Variants in MAGI2 observed in about 807,000 individuals in gnomAD.
MAGI2 encodes membrane associated guanylate kinase, WW and PDZ domain containing 2.
A neutral mutation model predicts 133.3 loss-of-function variants in MAGI2; 35 were observed. The observed-to-expected ratio is 0.26, with a 90% CI of 0.20 to 0.35. The LOEUF (loss-of-function observed/expected upper bound fraction) is 0.35, where lower values mean the gene tolerates loss of function less well. Ranked by LOEUF, MAGI2 falls within the 10% of genes least tolerant of loss-of-function variation. The pLI is 1.00. For synonymous variants in MAGI2, 729 were observed against 710.6 expected (o/e 1.03, Z -0.41); for missense variants, 1,636 against 1,863.4 (o/e 0.88, Z 2.25).
chr7:78,621,868 G>C (rs1445168009), intron 3 of MAGI2, among the ~76,000 whole-genome samples: 1 of 151,954 alleles, frequency 6.6e-6, no homozygotes, highest in Non-Finnish European at 1.5e-5. Context: ...ATGAGAATTA[G>C]CAATAATAAA....
At chr7:79,334,667 C>T (rs1840310328) in intron 1 of MAGI2, among the ~76,000 whole-genome samples, 1 of 152,132 alleles carries the variant, frequency 6.6e-6, no homozygotes, top group Admixed American at 6.5e-5. Context: ...ACCATCTTTA[C>T]CTCTAGCCAT....
intron 1 of MAGI2, among the ~76,000 whole-genome samples, chr7:79,108,482 A>G (rs115364711): frequency 8.5e-4 from 130 of 152,302 alleles, no homozygotes; most frequent in African/African-American, 3.0e-3. Flanking sequence ...TGATGGAAAT[A>G]CCTAGTTGGA....
chr7:79,186,776 T>TACAC lies in MAGI2; in HGVS notation c.302-179574_302-179571dup, dbSNP rs1449185049. ...GTATATATATATATATATATATATATACACACACACAAAAGTATATATATA... is the reference window on the plus strand; with the variant it reads ...GTATATATATATATATATATATATATACACACACACACACAAAAGTATATATATA... On this transcript the variant is annotated intron_variant, in intron 1 of 21. Coordinates refer to ENST00000354212, the MANE Select transcript of MAGI2 (RefSeq NM_012301.4). 1.7e-3 allele frequency among the ~76,000 whole-genome samples: 164 copies of TACAC among 98,130 alleles called. 2 individuals are homozygous for TACAC. Among genetic ancestry groups the TACAC allele is most frequent in the African/African-American group, 4.4e-3 (151 of 34,014 alleles). The allele number at this position is 98,130 out of a possible 152,430, so 64.4% of individuals were successfully genotyped here.
At chr7:79,086,079 G>A (rs897277738) in intron 1 of MAGI2, among the ~76,000 whole-genome samples, 6 of 151,804 alleles carry the variant, frequency 4.0e-5, no homozygotes, top group Non-Finnish European at 7.4e-5. Context: ...ACATTCCAAA[G>A]TTTTTCCTTT....
chr7:78,846,812 A>T (rs560296192), intron 2 of MAGI2, among the ~76,000 whole-genome samples: 2 of 151,992 alleles, frequency 1.3e-5, no homozygotes, highest in African/African-American at 4.8e-5. Context: ...GTGGCTCAGG[A>T]AAGTACTGAA....
intron 1 of MAGI2, among the ~76,000 whole-genome samples, chr7:79,072,625 T>C (rs2117171411): frequency 6.6e-6 from 1 of 152,188 alleles, no homozygotes; most frequent in Middle Eastern, 3.4e-3. Flanking sequence ...AGCATAAAAA[T>C]AAAACTAGTT....
intron 9 of MAGI2, among the ~76,000 whole-genome samples, chr7:78,303,959 C>G (rs1413203701): frequency 6.6e-6 from 1 of 152,112 alleles, no homozygotes; most frequent in Non-Finnish European, 1.5e-5. Flanking sequence ...TACTCCCCCA[C>G]TCCCCACCAA....
At chr7:78,755,988 A>G (rs769605759) in intron 2 of MAGI2, among the ~76,000 whole-genome samples, 24 of 152,160 alleles carry the variant, frequency 1.6e-4, no homozygotes, top group Non-Finnish European at 3.1e-4. Flanking sequence ...ATTAGTCTGC[A>G]TCATAATTTT....
intron 21 of MAGI2, among the ~76,000 whole-genome samples, chr7:78,062,833 A>G (rs1210985102): frequency 6.6e-6 from 1 of 152,006 alleles, no homozygotes; most frequent in Non-Finnish European, 1.5e-5. Context: ...TCCCCTCATC[A>G]TCCTTCTGCC....
chr7:78,993,287 A>T (rs547192170), intron 2 of MAGI2, among the ~76,000 whole-genome samples: 1 of 152,146 alleles, frequency 6.6e-6, no homozygotes, highest in Non-Finnish European at 1.5e-5. Flanking sequence ...TAAATCTTTT[A>T]AATAAAATCT....
intron 9 of MAGI2, among the ~76,000 whole-genome samples, chr7:78,319,049 C>G (rs1584857644): frequency 6.6e-6 from 1 of 152,192 alleles, no homozygotes; most frequent in South Asian, 2.1e-4. Context: ...TATGAAGAAA[C>G]TGCATCAACT....
chr7:79,244,357 G>T (rs182573630), intron 1 of MAGI2, among the ~76,000 whole-genome samples: 6 of 152,264 alleles, frequency 3.9e-5, no homozygotes, highest in Middle Eastern at 6.8e-3. Flanking sequence ...GCACAGAAGA[G>T]GGTAAGAAAG....
At chr7:78,977,293 A>T (rs1255900449) in intron 2 of MAGI2, among the ~76,000 whole-genome samples, 1 of 151,504 alleles carries the variant, frequency 6.6e-6, no homozygotes, top group Non-Finnish European at 1.5e-5. Context: ...AAATGAGGTC[A>T]ACTGATTCTG....
chr7:78,112,493 T>C (rs1340495673), intron 20 of MAGI2, among the ~76,000 whole-genome samples: 1 of 152,170 alleles, frequency 6.6e-6, no homozygotes, highest in Non-Finnish European at 1.5e-5. Flanking sequence ...AGGCACGTTA[T>C]AAAAAAAGCT....
chr7:78,941,001 A>C (rs1345151653), intron 2 of MAGI2: 1 of 152,234 alleles, frequency 6.6e-6, no homozygotes, highest in Non-Finnish European at 1.5e-5. Context: ...AGCCGCTTTC[A>C]TATTACAAGG....
At chr7:79,122,699 C>T (rs1052025794) in intron 1 of MAGI2, among the ~76,000 whole-genome samples, 2 of 149,902 alleles carry the variant, frequency 1.3e-5, no homozygotes, top group African/African-American at 4.9e-5. Flanking sequence ...GGCTGGAGTA[C>T]AATGGTGTGA....
chr7:79,077,401 A>C (rs1328074751), intron 1 of MAGI2, among the ~76,000 whole-genome samples: 1 of 137,008 alleles, frequency 7.3e-6, no homozygotes, highest in Non-Finnish European at 1.6e-5. Context: ...AATAAAATAC[A>C]AAAAAAAAAA....
intron 10 of MAGI2, among the ~76,000 whole-genome samples, chr7:78,250,050 C>T (rs1268249979): frequency 6.6e-6 from 1 of 151,826 alleles, no homozygotes; most frequent in Non-Finnish European, 1.5e-5. Flanking sequence ...TATCCATTAG[C>T]TTTAGTGGGA....
chr7:78,233,731 G>A (rs1043360820), intron 10 of MAGI2, among the ~76,000 whole-genome samples: 6 of 152,114 alleles, frequency 3.9e-5, no homozygotes, highest in Non-Finnish European at 5.9e-5. Context: ...TTATAACAGG[G>A]TCCATGATAA....
Sources: gnomAD v4.1 joint callset for allele counts (sites outside exome capture counted in the v4.1 genomes callset) on GRCh38, gnomAD v4.1.1 for gene constraint, MANE v1.5 for transcripts, NCBI Gene and HGNC (gene_info 2026-07-23, HGNC 2026-07-21) for gene names.